Variants in PDE3B observed in about 807,000 individuals in gnomAD.
The protein encoded by PDE3B is cGMP-inhibited 3',5'-cyclic phosphodiesterase 3B.
In PDE3B, 66 loss-of-function variants were observed where a neutral mutation model predicts 116.8. The observed-to-expected ratio is 0.56, with a 90% confidence interval of 0.46 to 0.69. PDE3B has a LOEUF of 0.69. PDE3B is among the 30% of genes least tolerant of loss of function. PDE3B has a pLI of 0.00. For synonymous variants in PDE3B, 595 were observed against 533.6 expected (o/e 1.12, Z -1.59); for missense variants, 1,384 against 1,368.1 (o/e 1.01, Z -0.18).
chr11:14,869,280 A>G (rs1848102661), intron 15 of PDE3B, among the ~76,000 whole-genome samples, 181 bp from the exon 16 acceptor site: 2 of 152,182 alleles, frequency 1.3e-5, no homozygotes, highest in South Asian at 4.1e-4. Context: ...TCTGAACACC[A>G]TAACGCAGGG....
chr11:14,729,850 G>C (rs1856407881), intron 1 of PDE3B, among the ~76,000 whole-genome samples: 1 of 152,076 alleles, frequency 6.6e-6, no homozygotes, highest in African/African-American at 2.4e-5. Flanking sequence ...TTATCAAATA[G>C]AGCTTTGTAA....
intron 15 of PDE3B, among the ~76,000 whole-genome samples, chr11:14,868,981 A>T (rs2133997966): frequency 6.6e-6 from 1 of 152,098 alleles, no homozygotes; most frequent in South Asian, 2.1e-4. Flanking sequence ...AGATCGTGCC[A>T]CTGCACTCCA....
intron 1 of PDE3B, among the ~76,000 whole-genome samples, chr11:14,738,164 T>C (rs1237557192): frequency 6.6e-6 from 1 of 152,156 alleles, no homozygotes. Context: ...AAATGGTATT[T>C]CTAGTTCTAG....
At chr11:14,677,702 C>T (rs1590055093) in intron 1 of PDE3B, among the ~76,000 whole-genome samples, 1 of 152,150 alleles carries the variant, frequency 6.6e-6, no homozygotes. Flanking sequence ...GTTATATCTT[C>T]CTTCTATCCC....
At chr11:14,726,929 G>C (rs1250454725) in intron 1 of PDE3B, among the ~76,000 whole-genome samples, 1 of 152,066 alleles carries the variant, frequency 6.6e-6, no homozygotes, top group Non-Finnish European at 1.5e-5. Flanking sequence ...AATCAAGGAA[G>C]GACTTAAGTA....
At chr11:14,886,052 A>C in the PDE3B span, 1 of 828,886 alleles carries the variant, frequency 1.2e-6, no homozygotes, top group Admixed American at 2.0e-5. Context: ...TTATTACTCA[A>C]CTGACAATGT....
At chr11:14,735,905 G>A (rs1590102216) in intron 1 of PDE3B, among the ~76,000 whole-genome samples, 1 of 151,598 alleles carries the variant, frequency 6.6e-6, no homozygotes, top group African/African-American at 2.4e-5. Flanking sequence ...AAGAGAACAC[G>A]GAAGCATATT....
intron 1 of PDE3B, among the ~76,000 whole-genome samples, chr11:14,673,386 T>G (rs1044987307): frequency 6.6e-6 from 1 of 151,912 alleles, no homozygotes; most frequent in Non-Finnish European, 1.5e-5. Context: ...TTGAATACAC[T>G]GGTAGTGACT....
At chr11:14,685,446 CTTTTTTTTTTTT>C (rs71044017) in intron 1 of PDE3B, among the ~76,000 whole-genome samples, 6 of 86,310 alleles carry the variant, frequency 7.0e-5, no homozygotes, top group Admixed American at 1.7e-4. Flanking sequence ...TTTTTCTCAT[CTTTTTTTTTTTT>C]TTTTTTTTTT....
chr11:14,723,274 T>G (rs536174183), intron 1 of PDE3B, among the ~76,000 whole-genome samples: 106 of 152,314 alleles, frequency 7.0e-4, no homozygotes, highest in African/African-American at 2.5e-3. Flanking sequence ...AATTCATGTG[T>G]TAAACATCTG....
chr11:14,828,013 T>A (rs1859754684), intron 7 of PDE3B, among the ~76,000 whole-genome samples: 1 of 152,096 alleles, frequency 6.6e-6, no homozygotes, highest in African/African-American at 2.4e-5. Flanking sequence ...TAAGACCACA[T>A]GCCTACAACC....
chr11:14,716,414 C>T (rs1855895959), intron 1 of PDE3B, among the ~76,000 whole-genome samples: 1 of 151,318 alleles, frequency 6.6e-6, no homozygotes, highest in South Asian at 2.1e-4. Context: ...GGGTGGAGCC[C>T]ACCACAGCTC....
Position 14,815,938 on chromosome 11 carries a change from TACACACACAC to T in PDE3B, c.1523-2222_1523-2213del, listed in dbSNP as rs35596025. ...CAAAAGATAAAGAACATTATATTTATACACACACACACACACACACACACACACACACGCA... is the reference window on the plus strand; with the variant it reads ...CAAAAGATAAAGAACATTATATTTATACACACACACACACACACACACGCA... On this transcript the variant is annotated intron_variant, in intron 5 of 15. Transcript: ENST00000282096. Among the ~76,000 whole-genome samples the T allele has an allele frequency of 2.2e-3, 318 of 146,230 alleles. 3 individuals carry two copies. Among genetic ancestry groups the T allele is most frequent in the African/African-American group, 7.5e-3 (299 of 40,032 alleles).
intron 4 of PDE3B, among the ~76,000 whole-genome samples, chr11:14,793,709 A>G (rs1469444761): frequency 6.6e-6 from 1 of 152,194 alleles, no homozygotes; most frequent in Non-Finnish European, 1.5e-5. Flanking sequence ...GCTATCAATT[A>G]TAGTTACCTC....
In PDE3B at chr11:14,644,507, C is replaced by T; in HGVS notation, c.432C>T (p.Gly144=). ...TCACCCGGACCAAGCGGGGACCCGG[C>T]CCGGGCCGGAGCTGCGGCTCCTGGT... ...CFLTRTKRGP[G]PGRSCGSWWL... is the part of the protein sequence containing the mutation. Residue 144 remains glycine, a synonymous_variant, in exon 1 of 16, where the codon GGC becomes GGT. Transcript: ENST00000282096. The T allele has an allele frequency of 1.9e-6, 3 of 1,610,604 alleles. No homozygotes were observed. The highest frequency in any genetic ancestry group is 2.5e-6 in the Non-Finnish European group (3 of 1,178,530).
intron 1 of PDE3B, among the ~76,000 whole-genome samples, chr11:14,670,691 C>A (rs1221519977): frequency 6.6e-6 from 1 of 152,052 alleles, no homozygotes; most frequent in Non-Finnish European, 1.5e-5. Flanking sequence ...TTTAGGATAT[C>A]TTCCAACCAT....
chr11:14,662,310 A>T (rs554004421), intron 1 of PDE3B, among the ~76,000 whole-genome samples: 1 of 152,210 alleles, frequency 6.6e-6, no homozygotes, highest in Non-Finnish European at 1.5e-5. Flanking sequence ...CCATCTGTAC[A>T]TCACCATCAT....
intron 1 of PDE3B, among the ~76,000 whole-genome samples, chr11:14,708,783 T>G (rs758868240): frequency 1.4e-4 from 21 of 151,868 alleles, no homozygotes; most frequent in African/African-American, 3.1e-4. Context: ...TATATATATA[T>G]ATAGAGAGAG....
intron 11 of PDE3B, among the ~76,000 whole-genome samples, chr11:14,842,717 G>A (rs910264791): frequency 2.6e-5 from 4 of 152,088 alleles, no homozygotes; most frequent in Admixed American, 2.0e-4. Context: ...GCTAGCTGCT[G>A]CACTCCAACC....
Sources: allele counts gnomAD v4.1 joint callset (sites outside exome capture counted in the v4.1 genomes callset), GRCh38; gene constraint gnomAD v4.1.1; transcripts MANE v1.5; gene names NCBI Gene and HGNC (gene_info 2026-07-23, HGNC 2026-07-21).